Variants in RORA observed in about 807,000 individuals in gnomAD.
The protein encoded by RORA is RAR related orphan receptor A.
RORA carries 7 observed loss-of-function variants against 69.5 expected under a neutral mutation model. The observed-to-expected ratio is 0.10, with a 90% CI of 0.06 to 0.19. The LOEUF is 0.19. RORA is among the 10% of genes least tolerant of loss of function. The probability of loss-of-function intolerance (pLI) is 1.00; values close to 1 mark genes in which losing one functional copy is unlikely to be tolerated. For synonymous variants in RORA, 261 were observed against 240.8 expected (o/e 1.08, Z -0.78); for missense variants, 457 against 663.0 (o/e 0.69, Z 3.41).
chr15:60,561,612 A>G (rs2067562934), intron 2 of RORA, among the ~76,000 whole-genome samples: 1 of 152,198 alleles, frequency 6.6e-6, no homozygotes, highest in African/African-American at 2.4e-5. Flanking sequence ...ACCCCCTTCC[A>G]TAATGTAATA....
At chr15:60,986,552 T>C (rs1232883836) in intron 1 of RORA, among the ~76,000 whole-genome samples, 1 of 152,170 alleles carries the variant, frequency 6.6e-6, no homozygotes, top group African/African-American at 2.4e-5. Flanking sequence ...CTGGTAACTG[T>C]CTTTGGCCAT....
intron 1 of RORA, among the ~76,000 whole-genome samples, chr15:60,724,580 C>T (rs1399944470): frequency 6.6e-6 from 1 of 152,150 alleles, no homozygotes; most frequent in Non-Finnish European, 1.5e-5. Flanking sequence ...CTTTAGGACT[C>T]CGATGCTGTG....
At chr15:60,592,343 G>A in intron 2 of RORA, 6 of 1,339,956 alleles carry the variant, frequency 4.5e-6, no homozygotes, top group Non-Finnish European at 5.8e-6. Flanking sequence ...CCCGCCCCCC[G>A]GAGCCGCCAG....
intron 1 of RORA, among the ~76,000 whole-genome samples, chr15:61,179,378 A>G (rs1369305491): frequency 2.0e-5 from 3 of 152,214 alleles, no homozygotes; most frequent in Non-Finnish European, 4.4e-5. Context: ...GCCAGACATA[A>G]AAGAGATACG....
At chr15:60,575,667 C>T (rs1166003635) in intron 2 of RORA, among the ~76,000 whole-genome samples, 2 of 151,744 alleles carry the variant, frequency 1.3e-5, no homozygotes, top group African/African-American at 4.8e-5. Flanking sequence ...ACTCCCAGAT[C>T]AAGAAAAAAA....
At chr15:60,844,326 A>G (rs142581069) in intron 1 of RORA, among the ~76,000 whole-genome samples, 2 of 152,298 alleles carry the variant, frequency 1.3e-5, no homozygotes, top group Non-Finnish European at 2.9e-5. Flanking sequence ...AAGAATTACT[A>G]CTTTAAACTA....
At chr15:60,604,041 G>A (rs1356700930) in intron 2 of RORA, among the ~76,000 whole-genome samples, 1 of 151,088 alleles carries the variant, frequency 6.6e-6, no homozygotes, top group Non-Finnish European at 1.5e-5. Context: ...GCTGAGGCAG[G>A]AGAATCGCTT....
intron 1 of RORA, among the ~76,000 whole-genome samples, chr15:61,003,698 A>C (rs1479419515): frequency 3.3e-5 from 5 of 152,186 alleles, no homozygotes; most frequent in Non-Finnish European, 5.9e-5. Flanking sequence ...AAAATGCAAA[A>C]CAAAAAGCTA....
intron 1 of RORA, among the ~76,000 whole-genome samples, chr15:61,053,862 T>TATATATAA (rs950408568): frequency 1.3e-4 from 18 of 140,916 alleles, no homozygotes; most frequent in East Asian, 1.1e-3. Flanking sequence ...TATATATATA[T>TATATATAA]AAACATTCTT....
chr15:60,589,483 G>A (rs566986095), intron 2 of RORA, among the ~76,000 whole-genome samples: 20 of 152,284 alleles, frequency 1.3e-4, no homozygotes, highest in East Asian at 1.2e-3. Context: ...TCAGTACTCC[G>A]CTGCCGCGTG....
intron 1 of RORA, among the ~76,000 whole-genome samples, chr15:61,212,188 G>A (rs2140938060): frequency 6.6e-6 from 1 of 152,110 alleles, no homozygotes; most frequent in South Asian, 2.1e-4. Context: ...CCAAGTGTGG[G>A]GCAGATTGCC....
chr15:60,946,200 A>G (rs1035783056), intron 1 of RORA, among the ~76,000 whole-genome samples: 1 of 151,990 alleles, frequency 6.6e-6, no homozygotes, highest in Admixed American at 6.6e-5. Context: ...AGCAGCTGCA[A>G]TTGCATGGAT....
chr15:61,077,150 A>AGCT (rs2078463777), intron 1 of RORA, among the ~76,000 whole-genome samples: 1 of 151,678 alleles, frequency 6.6e-6, no homozygotes, highest in Non-Finnish European at 1.5e-5. Flanking sequence ...AGATATTGTC[A>AGCT]GCTGTTAAAG....
chr15:60,801,130 C>G (rs533176004), intron 1 of RORA, among the ~76,000 whole-genome samples: 36 of 152,330 alleles, frequency 2.4e-4, no homozygotes, highest in African/African-American at 8.4e-4. Context: ...CCCTTAGGAA[C>G]AGCCCTTACT....
At chr15:61,132,977 A>G (rs1381927214) in intron 1 of RORA, among the ~76,000 whole-genome samples, 1 of 152,232 alleles carries the variant, frequency 6.6e-6, no homozygotes, top group African/African-American at 2.4e-5. Flanking sequence ...GTTAATAAAA[A>G]TAGCCTGCTT....
At chr15:60,925,733 A>G (rs1256565048) in intron 1 of RORA, among the ~76,000 whole-genome samples, 1 of 152,228 alleles carries the variant, frequency 6.6e-6, no homozygotes, top group Non-Finnish European at 1.5e-5. Context: ...GTGGAATCCA[A>G]GGACTATCAG....
intron 1 of RORA, among the ~76,000 whole-genome samples, chr15:61,135,396 T>A (rs2140852916): frequency 6.6e-6 from 1 of 151,788 alleles, no homozygotes; most frequent in African/African-American, 2.4e-5. Context: ...GTATTATGTG[T>A]TCCTACCATA....
rs111386371 is a variant in RORA at position 60,975,150 on chromosome 15, G to C, written c.166+253903C>G. Among the ~76,000 whole-genome samples, 10 of 152,346 alleles carry C rather than the reference G, an allele frequency of 6.6e-5. 2 individuals carry two copies. The highest frequency in any genetic ancestry group is 3.4e-3 in the Middle Eastern group (1 of 294). On this transcript the variant is annotated intron_variant, in intron 1 of 10. Transcript: ENST00000335670. ...ACTGTGGAGAGAGTCAAGGGCGGAA[G>C]GGGCCTGGGCAGGGTGAGCACAGAT... is the stretch of plus-strand genomic sequence containing the variant.
chr15:60,729,121 T>C (rs77282486), intron 1 of RORA, among the ~76,000 whole-genome samples: 8,909 of 152,192 alleles, frequency 0.059, 364 homozygotes, highest in Admixed American at 0.12. Context: ...ACCTCCCCGT[T>C]TTTGGTGTCC....
Sources: allele counts gnomAD v4.1 joint callset (sites outside exome capture counted in the v4.1 genomes callset), GRCh38; gene constraint gnomAD v4.1.1; transcripts MANE v1.5; gene names NCBI Gene and HGNC (gene_info 2026-07-23, HGNC 2026-07-21).